The following UPF3B variants were observed in gnomAD, a reference collection of about 807,000 sequenced individuals.
UPF3B encodes regulator of nonsense transcripts 3B.
UPF3B carries 7 observed loss-of-function variants against 40.3 expected under a neutral mutation model. The ratio of observed to expected loss-of-function variants is 0.17; its 90% CI spans 0.10 to 0.33. The LOEUF (loss-of-function observed/expected upper bound fraction) is 0.33. Among genes scored for constraint, UPF3B ranks in the 10% least tolerant of loss-of-function variants. The probability of loss-of-function intolerance (pLI) is 1.00; values close to 1 mark genes in which losing one functional copy is unlikely to be tolerated. For missense variants in UPF3B, 229 were observed against 358.9 expected, an observed-to-expected ratio of 0.64 and a Z score of 2.93; for synonymous variants, 117 against 117.3, an observed-to-expected ratio of 1.00 and a Z score of 0.01.
chrX:119,814,771 A>G (rs2055849051), intron 5 of UPF3B, among the ~76,000 whole-genome samples: 1 of 110,901 alleles, frequency 9.0e-6, no homozygotes, highest in East Asian at 2.8e-4. Flanking sequence ...ATGAAATTGT[A>G]CTTCCAATTC....
At chrX:119,824,098 G>A (rs1276249661) in intron 3 of UPF3B, among the ~76,000 whole-genome samples, 1 of 107,329 alleles carries the variant, frequency 9.3e-6, no homozygotes, top group Non-Finnish European at 1.9e-5. Flanking sequence ...ATTAAAGATG[G>A]ATTTTAAAAA....
At chrX:119,806,626 G>A (rs1301062231) in intron 6 of UPF3B, among the ~76,000 whole-genome samples, 2 of 111,173 alleles carry the variant, frequency 1.8e-5, no homozygotes, top group African/African-American at 6.5e-5. Flanking sequence ...TTAAATTTTG[G>A]CACCAACAAA....
intron 4 of UPF3B, among the ~76,000 whole-genome samples, chrX:119,844,894 C>T (rs1053778035): frequency 2.4e-4 from 27 of 112,352 alleles, no homozygotes; most frequent in African/African-American, 8.4e-4. Flanking sequence ...TGAGCCACCA[C>T]GCCTGGCCTT....
chrX:119,821,658 C>T (rs1212455634), intron 4 of UPF3B, among the ~76,000 whole-genome samples: 1 of 110,510 alleles, frequency 9.0e-6, no homozygotes, highest in Non-Finnish European at 1.9e-5. Flanking sequence ...ATTAACCAGG[C>T]GCGGTGGCAG....
At chrX:119,821,089 T>A (rs1255744491) in intron 4 of UPF3B, among the ~76,000 whole-genome samples, 1 of 111,436 alleles carries the variant, frequency 9.0e-6, no homozygotes, top group Non-Finnish European at 1.9e-5. Flanking sequence ...CCTCATGGCT[T>A]GGTGCTGTCC....
chrX:119,831,279 A>G (rs2056033574), downstream of UPF3B, among the ~76,000 whole-genome samples: 1 of 108,785 alleles, frequency 9.2e-6, no homozygotes, highest in African/African-American at 3.3e-5. Flanking sequence ...CAGTCAGGAC[A>G]CCTAAGGCCA....
At chrX:119,844,662 G>C (rs1229960613) in intron 4 of UPF3B, among the ~76,000 whole-genome samples, 1 of 109,764 alleles carries the variant, frequency 9.1e-6, no homozygotes, top group African/African-American at 3.3e-5. Flanking sequence ...GGAGTGCAAT[G>C]GTGTGATCTC....
chrX:119,852,933 A>G lies in UPF3B; in HGVS notation c.-5T>C, dbSNP rs1311557415. ...GTGCTCCTTCTCTTCCTTCATGGCT[A>G]CGTCCCCCGCTGAAGCGGCTTGGCC... On this transcript the variant is annotated 5_prime_UTR_variant, in exon 1 of 11. Coordinates refer to ENST00000276201, the MANE Select transcript of UPF3B (RefSeq NM_080632.3). The G allele has an allele frequency of 8.3e-7, 1 of 1,211,626 alleles. No homozygotes were observed. Among genetic ancestry groups the G allele is most frequent in the East Asian group, 3.0e-5 (1 of 33,826 alleles).
chrX:119,845,343 A>C (rs1438710664), intron 3 of UPF3B, 47 bp from the exon 4 acceptor site: 3 of 1,031,450 alleles, frequency 2.9e-6, no homozygotes. Flanking sequence ...AGAAAATGTC[A>C]AAAGTGGATA....
chrX:119,810,384 T>C (rs1662480380), intron 5 of UPF3B, among the ~76,000 whole-genome samples: 1 of 112,004 alleles, frequency 8.9e-6, no homozygotes, highest in South Asian at 3.7e-4. Context: ...ATTGGGAAAG[T>C]GTAACAGGAG....
In UPF3B at chrX:119,847,199, T is replaced by C. The variant is rs1483628153; in HGVS notation, c.371-1903A>G. Reference sequence around the variant, plus strand: ...GGGAATGTAAAATGATGCAGCTGCATGGAAAACAGTATGGCAGTTCCATAA... The same window carrying C: ...GGGAATGTAAAATGATGCAGCTGCACGGAAAACAGTATGGCAGTTCCATAA... On this transcript the variant is annotated intron_variant, in intron 3 of 10. Transcript: ENST00000276201. 2.7e-5 allele frequency among the ~76,000 whole-genome samples: 3 copies of C among 111,902 alleles called. No homozygotes were observed. The East Asian group carries it at 8.3e-4, about 31-fold the overall frequency.
At position 119,834,204 on chromosome X, in the gene UPF3B, A is replaced by G. The variant is rs2056066438; in HGVS notation, c.*674T>C. ...AAGAGTCAAACAAGGACTACATTTT[A>G]CCTCTTAATAGAAAAGATGCTGATG... On this transcript the variant is annotated 3_prime_UTR_variant, in exon 11 of 11. Coordinates refer to ENST00000276201, the MANE Select transcript of UPF3B (RefSeq NM_080632.3). 2 of 753,544 alleles carry G rather than the reference A, an allele frequency of 2.7e-6. No individual in the cohort carries two copies. The highest frequency in any genetic ancestry group is 4.6e-5 in the African/African-American group (2 of 43,312). 62.1% of individuals were successfully genotyped at this position (753,544 alleles called of 1,213,427 possible). A position where few individuals can be genotyped will look rare whatever the true frequency, so the allele number is the denominator to read the frequency against.
Position 119,846,084 on chromosome X carries a change from A to G in UPF3B, c.371-788T>C, listed in dbSNP as rs143360576. On this transcript the variant is annotated intron_variant, in intron 3 of 10. Transcript: ENST00000276201. The stretch of plus-strand genomic sequence containing the variant: ...CACCGTGGCTTATGCCTATAATCCC[A>G]GCATTTTGGGAGGCCGAGATGAGAG... 4.7e-3 allele frequency among the ~76,000 whole-genome samples: 520 copies of G among 111,003 alleles called. 6 individuals carry two copies. The highest frequency in any genetic ancestry group is 0.016 in the African/African-American group (503 of 30,546).
downstream of UPF3B, chrX:119,831,792 C>A (rs529059544): frequency 2.2e-5 from 13 of 586,500 alleles, no homozygotes; most frequent in South Asian, 1.1e-3. Context: ...ACTGTTACAA[C>A]AATGCTACTA....
intron 3 of UPF3B, among the ~76,000 whole-genome samples, chrX:119,827,750 T>C (rs770434943): frequency 9.0e-6 from 1 of 110,887 alleles, no homozygotes; most frequent in Non-Finnish European, 1.9e-5. Context: ...TTTATTTTTT[T>C]GAGATGGAGT....
chrX:119,809,493 G>C (rs2055814723), intron 5 of UPF3B, among the ~76,000 whole-genome samples: 1 of 112,127 alleles, frequency 8.9e-6, no homozygotes, highest in South Asian at 3.7e-4. Context: ...AGCTGAGACT[G>C]GTGGATCACT....
In UPF3B at chrX:119,837,286, T is replaced by C. The variant is rs764273052; in HGVS notation, c.1302+471A>G. Among the ~76,000 whole-genome samples, 3 of 109,378 alleles carry C rather than the reference T, an allele frequency of 2.7e-5. No homozygotes were observed. The South Asian group carries it at 1.2e-3, about 44-fold the overall frequency. The allele number at this position is 109,378 out of a possible 115,157, so 95.0% of individuals were successfully genotyped here. On this transcript the variant is annotated intron_variant, in intron 10 of 10. Coordinates refer to ENST00000276201, the MANE Select transcript of UPF3B (RefSeq NM_080632.3). ...ATTCTACTTTTGTGTATGTTTACAATTTCTATAGTAAGTTAATAAAAGCCC... is the reference window on the plus strand; with the variant it reads ...ATTCTACTTTTGTGTATGTTTACAACTTCTATAGTAAGTTAATAAAAGCCC...
chrX:119,843,181 G>T lies in UPF3B; in HGVS notation c.580+10C>A, dbSNP rs372146003. On this transcript the variant is annotated intron_variant, in intron 5 of 10. Transcript: ENST00000276201. ...AAAGACTGTTGCCCTGATTCTTTTT[G>T]CCCACTTACCTATTAATTCTCTATT... 1 of 1,096,335 alleles carries T rather than the reference G, an allele frequency of 9.1e-7. No individual in the cohort carries two copies. The highest frequency in any genetic ancestry group is 1.3e-6 in the Non-Finnish European group (1 of 791,031). 90.4% of individuals were successfully genotyped at this position (1,096,335 alleles called of 1,213,427 possible). A position where few individuals can be genotyped will look rare whatever the true frequency, so the allele number is the denominator to read the frequency against.
intron 3 of UPF3B, among the ~76,000 whole-genome samples, chrX:119,828,221 C>T (rs1019308089): frequency 7.3e-5 from 8 of 110,314 alleles, no homozygotes; most frequent in South Asian, 3.8e-4. Context: ...CACCATGCCT[C>T]GCTAAATTTT....
Sources: allele counts gnomAD v4.1 joint callset (sites outside exome capture counted in the v4.1 genomes callset), GRCh38; gene constraint gnomAD v4.1.1; transcripts MANE v1.5; gene names NCBI Gene and HGNC (gene_info 2026-07-23, HGNC 2026-07-21).